Variants in COL23A1 observed in about 807,000 individuals in gnomAD.
COL23A1 encodes collagen alpha-1(XXIII) chain.
In COL23A1, 97 loss-of-function variants were observed where a neutral mutation model predicts 99.3. That is an observed-to-expected ratio of 0.98 (90% CI 0.83 to 1.16). COL23A1 has a LOEUF of 1.16. Among genes scored for constraint, COL23A1 ranks in the 50% most tolerant of loss-of-function variants. COL23A1 has a pLI of 0.00. For synonymous variants in COL23A1, 320 were observed against 308.2 expected (o/e 1.04, Z -0.40); for missense variants, 762 against 757.4 (o/e 1.01, Z -0.07).
chr5:178,545,653 G>T (rs1288876739), intron 2 of COL23A1, among the ~76,000 whole-genome samples: 4 of 152,080 alleles, frequency 2.6e-5, no homozygotes, highest in Non-Finnish European at 4.4e-5. Flanking sequence ...CAGAAGGTCT[G>T]CTGAGGGATT....
chr5:178,583,253 C>T (rs186880840), intron 1 of COL23A1, among the ~76,000 whole-genome samples: 1 of 152,248 alleles, frequency 6.6e-6, no homozygotes, highest in Non-Finnish European at 1.5e-5. Flanking sequence ...GGCCTCCCCA[C>T]TGGATCAAAA....
intron 2 of COL23A1, among the ~76,000 whole-genome samples, chr5:178,445,416 A>G (rs1767103299): frequency 6.6e-6 from 1 of 151,988 alleles, no homozygotes; most frequent in Admixed American, 6.6e-5. Context: ...TCCCCTTTGA[A>G]TTTTTCCCTT....
intron 1 of COL23A1, among the ~76,000 whole-genome samples, chr5:178,572,484 T>A (rs1016188907): frequency 2.0e-5 from 3 of 151,988 alleles, no homozygotes; most frequent in Admixed American, 1.3e-4. Flanking sequence ...TATATCATAA[T>A]CAGATTGCTT....
chr5:178,531,445 A>C (rs987790239), intron 2 of COL23A1, among the ~76,000 whole-genome samples: 1 of 152,172 alleles, frequency 6.6e-6, no homozygotes, highest in Non-Finnish European at 1.5e-5. Flanking sequence ...TAGCTCTGTC[A>C]AGATGAAGGT....
chr5:178,242,083 C>A lies in COL23A1; in HGVS notation c.1540G>T (p.Gly514Cys). Residue 514 changes from glycine to cysteine, a missense_variant, in exon 27 of 29, where the codon GGC (glycine) becomes TGC (cysteine). Physicochemically the swap from Gly to Cys is radical, Grantham distance 159. Transcript: ENST00000390654. ...PGRKGVKGQKGEPGPPGLDQP... is the reference protein window; with the variant it reads ...PGRKGVKGQKCEPGPPGLDQP... Reference sequence around the variant, plus strand: ...TCCAGGCCTGGTGGTCCCGGCTCGCCCTTCTGGCCCTTCACTCCTTTCCGG... The same window carrying A: ...TCCAGGCCTGGTGGTCCCGGCTCGCACTTCTGGCCCTTCACTCCTTTCCGG... 1 of 1,553,794 alleles carries A rather than the reference C, an allele frequency of 6.4e-7. No homozygotes were observed. The highest frequency in any genetic ancestry group is 8.7e-7 in the Non-Finnish European group (1 of 1,148,302).
chr5:178,318,057 C>T lies in COL23A1; in HGVS notation c.362-11138G>A, dbSNP rs189979010. Among the ~76,000 whole-genome samples, 719 of 152,280 alleles carry T rather than the reference C, an allele frequency of 4.7e-3. 13 individuals carry two copies. Among genetic ancestry groups the T allele is most frequent in the African/African-American group, 0.016 (682 of 41,548 alleles). ...TGAGATTTGGGTGGGGACACAGCCA[C>T]ACCGTATCAGGGAGGGACAAAGAGA... is the stretch of plus-strand genomic sequence containing the variant. On this transcript the variant is annotated intron_variant, in intron 2 of 28. Coordinates refer to ENST00000390654, the MANE Select transcript of COL23A1 (RefSeq NM_173465.4).
intron 2 of COL23A1, among the ~76,000 whole-genome samples, chr5:178,328,982 C>T (rs1759853879): frequency 6.6e-6 from 1 of 152,198 alleles, no homozygotes; most frequent in Admixed American, 6.5e-5. Flanking sequence ...ACAGCCAACC[C>T]CGGGAGGCTC....
intron 2 of COL23A1, among the ~76,000 whole-genome samples, chr5:178,479,771 A>G (rs144562057): frequency 2.0e-4 from 31 of 152,374 alleles, no homozygotes; most frequent in African/African-American, 7.2e-4. Flanking sequence ...AGTGAAATAT[A>G]AGGCGTCCGA....
chr5:178,539,725 T>G (rs572430706), intron 2 of COL23A1, among the ~76,000 whole-genome samples: 2 of 152,182 alleles, frequency 1.3e-5, no homozygotes, highest in South Asian at 4.1e-4. Context: ...CACTAAACCT[T>G]ACACATTTTT....
intron 2 of COL23A1, among the ~76,000 whole-genome samples, chr5:178,507,668 A>G (rs1471847980): frequency 6.6e-6 from 1 of 152,184 alleles, no homozygotes; most frequent in African/African-American, 2.4e-5. Flanking sequence ...TCTGGCCTCC[A>G]TAGTTCCTGA....
At chr5:178,293,663 G>A (rs1258851816) in intron 3 of COL23A1, among the ~76,000 whole-genome samples, 2 of 151,836 alleles carry the variant, frequency 1.3e-5, no homozygotes, top group Non-Finnish European at 2.9e-5. Context: ...TAAGAATGAG[G>A]GAGGAGGGAG....
In COL23A1 at chr5:178,275,763, G is replaced by A. The variant is rs573421939; in HGVS notation, c.442-5400C>T. On this transcript the variant is annotated intron_variant, in intron 5 of 28. Coordinates refer to ENST00000390654, the MANE Select transcript of COL23A1 (RefSeq NM_173465.4). Reference sequence around the variant, plus strand: ...AGTGAAACTACAAAGTCAGCTGGTCGGAAGGATCCCACGGGAGCTGATTCA... The same window carrying A: ...AGTGAAACTACAAAGTCAGCTGGTCAGAAGGATCCCACGGGAGCTGATTCA... 6.6e-5 allele frequency among the ~76,000 whole-genome samples: 10 copies of A among 152,236 alleles called. No individual in the cohort carries two copies. In the South Asian group the frequency reaches 1.7e-3, roughly 25 times the overall value.
chr5:178,536,860 A>T (rs949425020), intron 2 of COL23A1, among the ~76,000 whole-genome samples: 1 of 152,176 alleles, frequency 6.6e-6, no homozygotes, highest in Non-Finnish European at 1.5e-5. Flanking sequence ...AGCTTTTGGC[A>T]GCCACAGCTC....
intron 2 of COL23A1, among the ~76,000 whole-genome samples, chr5:178,459,196 T>C (rs1308336222): frequency 6.6e-6 from 1 of 152,182 alleles, no homozygotes; most frequent in Non-Finnish European, 1.5e-5. Flanking sequence ...AATTAAATAT[T>C]TGTTAATTTT....
chr5:178,383,436 C>T (rs1763490391), intron 2 of COL23A1, among the ~76,000 whole-genome samples: 1 of 152,238 alleles, frequency 6.6e-6, no homozygotes, highest in Non-Finnish European at 1.5e-5. Flanking sequence ...AGCTTGTTCC[C>T]CAGTCATGGC....
At chr5:178,295,835 A>G (rs77931559) in intron 3 of COL23A1, among the ~76,000 whole-genome samples, 2,836 of 152,354 alleles carry the variant, frequency 0.019, 97 homozygotes, top group African/African-American at 0.064. Context: ...TCCAGGGTGT[A>G]TTGCTGCATT....
chr5:178,466,284 A>G (rs2127917122), intron 2 of COL23A1, among the ~76,000 whole-genome samples: 1 of 152,370 alleles, frequency 6.6e-6, no homozygotes, highest in East Asian at 1.9e-4. Flanking sequence ...TGCAGAGCAC[A>G]GAGCAGCGCT....
intron 2 of COL23A1, among the ~76,000 whole-genome samples, chr5:178,357,867 ATGTGTG>A (rs1436825880): frequency 7.0e-6 from 1 of 142,276 alleles, no homozygotes; most frequent in Admixed American, 7.0e-5. Context: ...GTGTATGTAT[ATGTGTG>A]TGCATGTGTA....
chr5:178,369,747 C>A (rs1027032942), intron 2 of COL23A1, among the ~76,000 whole-genome samples: 5 of 151,942 alleles, frequency 3.3e-5, no homozygotes, highest in Non-Finnish European at 7.4e-5. Context: ...ATTGTAAGGC[C>A]CCCCCAGCCA....
Sources: gnomAD v4.1 joint callset for allele counts (sites outside exome capture counted in the v4.1 genomes callset) on GRCh38, gnomAD v4.1.1 for gene constraint, MANE v1.5 for transcripts, NCBI Gene and HGNC (gene_info 2026-07-23, HGNC 2026-07-21) for gene names.